The following KATNIP variants were observed in gnomAD, a reference collection of about 807,000 sequenced individuals.
KATNIP encodes katanin interacting protein.
In KATNIP, 126 loss-of-function variants were observed where a neutral mutation model predicts 174.0. That is an observed-to-expected ratio of 0.72 (90% confidence interval 0.63 to 0.84). The LOEUF (loss-of-function observed/expected upper bound fraction) is 0.84, where lower values mean the gene tolerates loss of function less well. Ranked by LOEUF, KATNIP falls within the 40% of genes least tolerant of loss-of-function variation. The probability of loss-of-function intolerance (pLI) is 0.00; values close to 1 mark genes in which losing one functional copy is unlikely to be tolerated. For synonymous variants in KATNIP, 810 were observed against 835.7 expected, an observed-to-expected ratio of 0.97 and a Z score of 0.53; for missense variants, 1,958 against 2,109.7, an observed-to-expected ratio of 0.93 and a Z score of 1.41.
intron 12 of KATNIP, chr16:27,708,318 C>T (rs768910003): frequency 2.5e-4 from 43 of 169,042 alleles, no homozygotes; most frequent in Middle Eastern, 2.9e-3. Context: ...CCACCGTGCC[C>T]GGCCTTAGCA....
intron 8 of KATNIP, among the ~76,000 whole-genome samples, chr16:27,690,260 G>A (rs2078667900): frequency 6.6e-6 from 1 of 151,784 alleles, no homozygotes; most frequent in Non-Finnish European, 1.5e-5. Flanking sequence ...AGGCTGCAGT[G>A]AGCCATACTC....
chr16:27,668,609 CCTGGG>C, intron 6 of KATNIP, among the ~76,000 whole-genome samples: 1 of 152,166 alleles, frequency 6.6e-6, no homozygotes, highest in South Asian at 2.1e-4. Flanking sequence ...TCCTCCATAC[CCTGGG>C]TCTGCCATTA....
chr16:27,561,812 C>G (rs1264871588), intron 1 of KATNIP, among the ~76,000 whole-genome samples: 1 of 152,166 alleles, frequency 6.6e-6, no homozygotes, highest in East Asian at 1.9e-4. Context: ...CAGATGTCGC[C>G]TAGGGTCTCA....
intron 14 of KATNIP, among the ~76,000 whole-genome samples, chr16:27,731,517 A>G (rs536352432): frequency 6.6e-6 from 1 of 152,324 alleles, no homozygotes; most frequent in Non-Finnish European, 1.5e-5. Flanking sequence ...GCTCCATTTT[A>G]CAGATGGGGA....
intron 12 of KATNIP, 55 bp downstream of exon 12, chr16:27,704,053 G>C (rs2079202777): frequency 7.1e-7 from 1 of 1,403,540 alleles, no homozygotes; most frequent in Non-Finnish European, 1.0e-6. Context: ...CCTCAGAACA[G>C]GCATTTCGCA....
chr16:27,581,585 C>A (rs116849075), intron 2 of KATNIP, among the ~76,000 whole-genome samples: 36 of 152,136 alleles, frequency 2.4e-4, no homozygotes, highest in Non-Finnish European at 4.3e-4. Flanking sequence ...ATATCTAGCA[C>A]CTTGATTTCT....
chr16:27,775,487 A>G (rs1020535844), intron 24 of KATNIP, among the ~76,000 whole-genome samples: 1 of 152,074 alleles, frequency 6.6e-6, no homozygotes, highest in Non-Finnish European at 1.5e-5. Flanking sequence ...CCCTTCCTAC[A>G]TCACCAGGTA....
rs1318675435 is a variant in KATNIP, at chr16:27,708,887, G to A, written c.1572G>A (p.Gly524=). 2 of 1,613,600 alleles carry A rather than the reference G, an allele frequency of 1.2e-6. No individual in the cohort carries two copies. The highest frequency in any genetic ancestry group is 8.5e-7 in the Non-Finnish European group (1 of 1,179,922). ...DVDIRNTATP[G]ELGRLVNRNL... is the part of the protein sequence containing the mutation. ...ATATCCGGAACACAGCCACGCCTGGGGAGCTGGGCCGCCTCGTCAACAGGA... is the reference window on the plus strand; with the variant it reads ...ATATCCGGAACACAGCCACGCCTGGAGAGCTGGGCCGCCTCGTCAACAGGA... The change falls in exon 13 of 28, where the codon GGG becomes GGA. Residue 524 remains glycine (G), a synonymous_variant. Coordinates refer to ENST00000261588, the MANE Select transcript of KATNIP (RefSeq NM_015202.5).
chr16:27,564,746 G>GGCTT (rs60987314), intron 1 of KATNIP, among the ~76,000 whole-genome samples: 2,055 of 151,812 alleles, frequency 0.014, 42 homozygotes, highest in African/African-American at 0.04. Flanking sequence ...GTGTCTGCCT[G>GGCTT]GCTTGCTTGC....
chr16:27,737,517 C>T (rs2143462214), intron 14 of KATNIP, among the ~76,000 whole-genome samples: 1 of 152,218 alleles, frequency 6.6e-6, no homozygotes, highest in Admixed American at 6.5e-5. Context: ...AACTGGGAGC[C>T]TGGGACCTGA....
chr16:27,751,571 T>C (rs1011071597), intron 16 of KATNIP, 148 bp from the exon 17 acceptor site: 32 of 661,542 alleles, frequency 4.8e-5, no homozygotes, highest in Non-Finnish European at 7.8e-5. Flanking sequence ...TTTGCAAATC[T>C]GTGAAGACTA....
In KATNIP at chr16:27,751,764, A is replaced by C; in HGVS notation, c.3392A>C (p.Asp1131Ala). 6.2e-7 allele frequency: 1 copy of C among 1,614,202 alleles called. No homozygotes were observed. The highest frequency in any genetic ancestry group is 8.5e-7 in the Non-Finnish European group (1 of 1,180,042). The stretch of plus-strand genomic sequence containing the variant: ...ACGATCTTATTCACAACCGATGATG[A>C]CATTCTCGAGGCCATATTCTATTCT... ...GDTILFTTDD[D>A]ILEAIFYSDE... Residue 1131 changes from aspartate (D) to alanine (A), a missense_variant, in exon 17 of 28, where the codon GAC becomes GCC. Around this residue, in one of 3 missense-constraint regions of KATNIP, gnomAD observed 1,557 missense variants for 1,617.8 expected, o/e 0.96. Coordinates refer to ENST00000261588, the MANE Select transcript of KATNIP (RefSeq NM_015202.5).
intron 2 of KATNIP, 66 bp downstream of exon 2, chr16:27,574,022 G>A: frequency 1.4e-6 from 2 of 1,447,432 alleles, no homozygotes; most frequent in South Asian, 1.1e-5. Flanking sequence ...AGGGAGCAGG[G>A]TGGCGAATAA....
At chr16:27,732,635 G>T (rs987658089) in intron 14 of KATNIP, among the ~76,000 whole-genome samples, 3 of 152,082 alleles carry the variant, frequency 2.0e-5, no homozygotes, top group Non-Finnish European at 2.9e-5. Flanking sequence ...AGGGCCAGGG[G>T]CTCCCTGGAG....
At position 27,740,596 on chromosome 16, in the gene KATNIP, G is replaced by A. The variant is rs2081068071; in HGVS notation, c.2299G>A (p.Gly767Arg). The stretch of plus-strand genomic sequence containing the variant: ...TCCCACCGGCAAGGACAGGAAGCAG[G>A]GAGGCAGGAAGCCAAAACCCCTCTG... ...PSPTGKDRKQ[G>R]GRKPKPLWLS... Residue 767 changes from glycine to arginine, a missense_variant, in exon 15 of 28, where the codon GGA (glycine) becomes AGA (arginine). Physicochemically the swap from Gly to Arg is moderately radical, Grantham distance 125 (BLOSUM62 -2). Coordinates refer to ENST00000261588, the MANE Select transcript of KATNIP (RefSeq NM_015202.5). 1.2e-6 allele frequency: 2 copies of A among 1,614,222 alleles called. No homozygotes were observed. The highest frequency in any genetic ancestry group is 1.7e-6 in the Non-Finnish European group (2 of 1,180,040).
At position 27,742,941 on chromosome 16, in the gene KATNIP, C is replaced by CTA. The variant is rs571871839; in HGVS notation, c.2623+2023_2623+2024dup. On this transcript the variant is annotated intron_variant, in intron 15 of 27. Transcript: ENST00000261588. ...TGTGTGCCATGGTGATTTGCTGCAC[C>CTA]TATCAACCCGTCACCTAGGTATTAA... 9.2e-5 allele frequency among the ~76,000 whole-genome samples: 14 copies of CTA among 152,148 alleles called. No individual in the cohort carries two copies. In the South Asian group the frequency reaches 2.7e-3, roughly 29 times the overall value.
At chr16:27,610,518 C>A (rs2075860433) in intron 2 of KATNIP, among the ~76,000 whole-genome samples, 2 of 152,144 alleles carry the variant, frequency 1.3e-5, no homozygotes, top group South Asian at 2.1e-4. Context: ...TCCAAGAACA[C>A]CCCTGTGCAT....
intron 2 of KATNIP, among the ~76,000 whole-genome samples, chr16:27,596,549 T>C (rs534853621): frequency 2.0e-5 from 3 of 152,300 alleles, no homozygotes; most frequent in Admixed American, 2.0e-4. Context: ...CTTTTTTCTT[T>C]TTTGTACACA....
intron 19 of KATNIP, 86 bp from the exon 20 acceptor site, chr16:27,766,223 T>C (rs2082118056): frequency 6.9e-7 from 1 of 1,454,490 alleles, no homozygotes; most frequent in Non-Finnish European, 9.4e-7. Flanking sequence ...GGGGACGTAC[T>C]TGGGGCCGAG....
Sources: gnomAD v4.1 joint callset for allele counts (sites outside exome capture counted in the v4.1 genomes callset) on GRCh38, gnomAD v4.1.1 for gene constraint, gnomAD v4.1.1 regional missense constraint, MANE v1.5 for transcripts, NCBI Gene and HGNC (gene_info 2026-07-23, HGNC 2026-07-21) for gene names.